The following DAB1 variants were observed in gnomAD, a reference collection of about 807,000 sequenced individuals.
DAB1 encodes the protein DAB adaptor protein 1.
A neutral mutation model predicts 64.6 loss-of-function variants in DAB1; 15 were observed. The observed-to-expected ratio is 0.23, with a 90% CI of 0.16 to 0.36. The LOEUF (loss-of-function observed/expected upper bound fraction) is 0.36, where lower values mean the gene tolerates loss of function less well. Among genes scored for constraint, DAB1 ranks in the 10% least tolerant of loss-of-function variants. The probability of loss-of-function intolerance (pLI) is 1.00; values close to 1 mark genes in which losing one functional copy is unlikely to be tolerated. For synonymous variants in DAB1, 235 were observed against 251.9 expected (o/e 0.93, Z 0.64); for missense variants, 596 against 706.7 (o/e 0.84, Z 1.78).
At chr1:57,748,347 A>G (rs544870496) in intron 6 of DAB1, among the ~76,000 whole-genome samples, 1 of 152,302 alleles carries the variant, frequency 6.6e-6, no homozygotes, top group African/African-American at 2.4e-5. Context: ...ACTTGGGAGC[A>G]TGAGATCTTG....
intron 7 of DAB1, among the ~76,000 whole-genome samples, chr1:57,563,434 C>T (rs188153398): frequency 6.6e-6 from 1 of 151,768 alleles, no homozygotes; most frequent in Non-Finnish European, 1.5e-5. Flanking sequence ...GCTTGTCAGA[C>T]AGTGGGTGCA....
chr1:58,312,745 T>C (rs910989094), intron 4 of DAB1, among the ~76,000 whole-genome samples: 1 of 152,170 alleles, frequency 6.6e-6, no homozygotes, highest in African/African-American at 2.4e-5. Flanking sequence ...GACTCTATTC[T>C]GGGACTAGCT....
At chr1:58,115,887 T>C (rs1196929787) in intron 5 of DAB1, among the ~76,000 whole-genome samples, 4 of 132,144 alleles carry the variant, frequency 3.0e-5, no homozygotes, top group African/African-American at 1.2e-4. Context: ...TACCTAATGC[T>C]AGATGACACA....
At chr1:57,364,430 C>T (rs1679800640) in intron 1 of DAB1, among the ~76,000 whole-genome samples, 1 of 152,078 alleles carries the variant, frequency 6.6e-6, no homozygotes, top group Admixed American at 6.6e-5. Context: ...CCCCACATTA[C>T]CATTTACTAG....
At chr1:57,953,113 A>G in intron 5 of DAB1, among the ~76,000 whole-genome samples, 1 of 152,062 alleles carries the variant, frequency 6.6e-6, no homozygotes, top group East Asian at 1.9e-4. Flanking sequence ...ATACATTTCT[A>G]TTTTTGTCTT....
At chr1:57,340,608 T>C (rs1206610046) in intron 1 of DAB1, among the ~76,000 whole-genome samples, 2 of 152,198 alleles carry the variant, frequency 1.3e-5, no homozygotes, top group Non-Finnish European at 2.9e-5. Flanking sequence ...GCGGATGCAG[T>C]GTGCAAGGTA....
chr1:57,395,445 A>G (rs1156908349), intron 1 of DAB1, among the ~76,000 whole-genome samples: 1 of 152,192 alleles, frequency 6.6e-6, no homozygotes, highest in East Asian at 1.9e-4. Flanking sequence ...ATTGGATGTC[A>G]CATATCACGG....
intron 9 of DAB1, among the ~76,000 whole-genome samples, chr1:57,037,245 G>T (rs961079273): frequency 6.6e-6 from 1 of 152,248 alleles, no homozygotes; most frequent in Admixed American, 6.5e-5. Context: ...AACTGAAGCT[G>T]CCTTGATTGA....
chr1:57,632,288 A>C (rs772446519), intron 7 of DAB1, among the ~76,000 whole-genome samples: 36 of 152,322 alleles, frequency 2.4e-4, no homozygotes, highest in Non-Finnish European at 4.3e-4. Context: ...TTATTACCAG[A>C]TGTTTCTAAA....
intron 7 of DAB1, among the ~76,000 whole-genome samples, chr1:57,604,615 C>T (rs1465337163): frequency 1.3e-5 from 2 of 152,166 alleles, no homozygotes; most frequent in African/African-American, 2.4e-5. Flanking sequence ...AATACAGTCA[C>T]TAAGTTTTGG....
intron 2 of DAB1, among the ~76,000 whole-genome samples, chr1:57,188,708 T>C (rs1282789626): frequency 6.6e-6 from 1 of 152,192 alleles, no homozygotes; most frequent in Admixed American, 6.5e-5. Context: ...GTTTTATTCA[T>C]TACCAAAAAT....
At chr1:57,138,343 C>G (rs1254997196) in intron 3 of DAB1, among the ~76,000 whole-genome samples, 6 of 152,088 alleles carry the variant, frequency 3.9e-5, no homozygotes, top group Admixed American at 3.9e-4. Context: ...GGGAATTGGT[C>G]AAAGAGCTGA....
At chr1:58,418,782 G>T (rs114381007) in intron 3 of DAB1, among the ~76,000 whole-genome samples, 4,844 of 152,132 alleles carry the variant, frequency 0.032, 93 homozygotes, top group African/African-American at 0.057. Context: ...GTAGAAAAAA[G>T]TTTAGCTGAA....
At chr1:57,628,058 A>T (rs1645944350) in intron 7 of DAB1, among the ~76,000 whole-genome samples, 1 of 152,212 alleles carries the variant, frequency 6.6e-6, no homozygotes, top group South Asian at 2.1e-4. Flanking sequence ...GCCACAGGCG[A>T]TGGTGAAGTG....
At chr1:57,962,473 T>A (rs945634636) in intron 5 of DAB1, among the ~76,000 whole-genome samples, 3 of 152,162 alleles carry the variant, frequency 2.0e-5, no homozygotes, top group Admixed American at 2.0e-4. Context: ...AGAAAAAAAC[T>A]TCTTACCTTC....
intron 6 of DAB1, among the ~76,000 whole-genome samples, chr1:57,722,068 C>G (rs1373801096): frequency 1.3e-5 from 2 of 152,186 alleles, no homozygotes; most frequent in African/African-American, 4.8e-5. Context: ...CTTCAAGAAC[C>G]AACTTTGCCT....
At chr1:57,735,169 A>C (rs1022514874) in intron 6 of DAB1, among the ~76,000 whole-genome samples, 2 of 152,292 alleles carry the variant, frequency 1.3e-5, no homozygotes, top group Admixed American at 6.5e-5. Context: ...GAAGACTAAA[A>C]TGAAGGAGAA....
intron 5 of DAB1, among the ~76,000 whole-genome samples, chr1:58,133,000 T>C (rs561606540): frequency 6.6e-6 from 1 of 152,356 alleles, no homozygotes; most frequent in Admixed American, 6.5e-5. Flanking sequence ...TATACTCTCT[T>C]GGGCATATCT....
At chr1:57,451,747 G>C (rs1686375731) in intron 7 of DAB1, among the ~76,000 whole-genome samples, 1 of 152,148 alleles carries the variant, frequency 6.6e-6, no homozygotes, top group Non-Finnish European at 1.5e-5. Context: ...GGGAGGATTT[G>C]ATATTAAAAA....
Sources: allele counts gnomAD v4.1 joint callset (sites outside exome capture counted in the v4.1 genomes callset), GRCh38; gene constraint gnomAD v4.1.1; transcripts MANE v1.5; gene names NCBI Gene and HGNC (gene_info 2026-07-23, HGNC 2026-07-21).